The following TDRD7 variants were observed in gnomAD, a reference collection of about 807,000 sequenced individuals.
TDRD7 encodes tudor domain-containing protein 7.
A neutral mutation model predicts 109.8 loss-of-function variants in TDRD7; 47 were observed. That is an observed-to-expected ratio of 0.43 (90% CI 0.34 to 0.55). TDRD7 has a LOEUF of 0.55. Ranked by LOEUF, TDRD7 falls within the 20% of genes least tolerant of loss-of-function variation. TDRD7 has a pLI of 0.03. For missense variants in TDRD7, 1,164 were observed against 1,319.2 expected (o/e 0.88, Z 1.82); for synonymous variants, 424 against 457.3 (o/e 0.93, Z 0.93).
intron 1 of TDRD7, among the ~76,000 whole-genome samples, chr9:97,414,788 G>C (rs1209133783): frequency 6.6e-6 from 1 of 152,150 alleles, no homozygotes; most frequent in Non-Finnish European, 1.5e-5. Flanking sequence ...GTTGGTGAAG[G>C]AGTAATTGAA....
At chr9:97,417,481 A>T (rs1827829651) in intron 1 of TDRD7, among the ~76,000 whole-genome samples, 1 of 152,208 alleles carries the variant, frequency 6.6e-6, no homozygotes, top group Non-Finnish European at 1.5e-5. Flanking sequence ...TGTTGCTGAC[A>T]CGGACTAGGA....
intron 4 of TDRD7, among the ~76,000 whole-genome samples, chr9:97,436,823 G>A (rs1235477698): frequency 6.6e-6 from 1 of 152,042 alleles, no homozygotes; most frequent in Non-Finnish European, 1.5e-5. Flanking sequence ...TTCTCTGCTG[G>A]TTTGTAATTC....
chr9:97,439,953 G>A (rs555241661), intron 5 of TDRD7, among the ~76,000 whole-genome samples: 1 of 152,126 alleles, frequency 6.6e-6, no homozygotes, highest in Non-Finnish European at 1.5e-5. Context: ...CAGGGAGACA[G>A]TGTTTTCGTA....
intron 1 of TDRD7, among the ~76,000 whole-genome samples, chr9:97,421,698 TTGTGTGTGTGTGTGTGTGTGTGTG>T (rs59218055): frequency 7.0e-6 from 1 of 142,864 alleles, no homozygotes; most frequent in Admixed American, 7.0e-5. Context: ...TGCCCAGCTT[TTGTGTGTGTGTGTGTGTGTGTGTG>T]TGTGTGTGTG....
chr9:97,471,472 G>A (rs1369527261), intron 9 of TDRD7, among the ~76,000 whole-genome samples: 1 of 152,122 alleles, frequency 6.6e-6, no homozygotes, highest in Non-Finnish European at 1.5e-5. Context: ...TGGAAAGAAC[G>A]TATCAAGGGC....
At chr9:97,441,308 A>C (rs1331429809) in intron 5 of TDRD7, among the ~76,000 whole-genome samples, 3 of 152,202 alleles carry the variant, frequency 2.0e-5, no homozygotes, top group African/African-American at 7.2e-5. Flanking sequence ...TAATATATAA[A>C]ATGCAATCTT....
chr9:97,417,140 A>G (rs915193254), intron 1 of TDRD7, among the ~76,000 whole-genome samples: 1 of 152,148 alleles, frequency 6.6e-6, no homozygotes, highest in African/African-American at 2.4e-5. Context: ...AGAGAATGGC[A>G]AGTACAAAAG....
At chr9:97,445,993 A>G (rs1231933464) in intron 6 of TDRD7, among the ~76,000 whole-genome samples, 1 of 152,138 alleles carries the variant, frequency 6.6e-6, no homozygotes, top group East Asian at 1.9e-4. Flanking sequence ...TTAGCTGGGC[A>G]TGGTGATGCA....
chr9:97,422,193 G>T (rs1048553602), intron 1 of TDRD7, among the ~76,000 whole-genome samples: 2 of 152,094 alleles, frequency 1.3e-5, no homozygotes, highest in Admixed American at 1.3e-4. Flanking sequence ...AGGAGTTTGA[G>T]ACCAGCCTAG....
chr9:97,439,755 G>A (rs974491376), intron 5 of TDRD7, among the ~76,000 whole-genome samples: 1 of 152,180 alleles, frequency 6.6e-6, no homozygotes, highest in Non-Finnish European at 1.5e-5. Flanking sequence ...ACCCTAAACT[G>A]TGTACAGTTA....
chr9:97,436,173 C>T (rs1455196970), intron 4 of TDRD7, among the ~76,000 whole-genome samples: 1 of 152,036 alleles, frequency 6.6e-6, no homozygotes, highest in Non-Finnish European at 1.5e-5. Context: ...TACTAAGGCT[C>T]CTATTAAATT....
At chr9:97,432,771 T>C (rs12006001) in intron 4 of TDRD7, among the ~76,000 whole-genome samples, 10,900 of 152,222 alleles carry the variant, frequency 0.072, 608 homozygotes, top group African/African-American at 0.16. Flanking sequence ...CCAAAGAAAA[T>C]GTTAAACGAG....
rs577113165 is a variant in TDRD7, at chr9:97,422,368, C to A, written c.-6-6092C>A. 3.9e-5 allele frequency among the ~76,000 whole-genome samples: 6 copies of A among 152,216 alleles called. No homozygotes were observed. In the South Asian group the frequency reaches 1.2e-3, roughly 32 times the overall value. ...CCAAGATTGTGCCACTGCACTCCAG[C>A]CTGGGCAACAGATCAAGACCCTGTC... On this transcript the variant is annotated intron_variant, in intron 1 of 16. Coordinates refer to ENST00000355295, the MANE Select transcript of TDRD7 (RefSeq NM_014290.3).
chr9:97,479,101 G>A (rs1829071285), intron 13 of TDRD7, among the ~76,000 whole-genome samples: 1 of 152,060 alleles, frequency 6.6e-6, no homozygotes, highest in African/African-American at 2.4e-5. Flanking sequence ...ACCTTTAGGA[G>A]AAATAGAGGA....
At chr9:97,469,812 A>G (rs1365011325) in intron 8 of TDRD7, among the ~76,000 whole-genome samples, 1 of 152,212 alleles carries the variant, frequency 6.6e-6, no homozygotes, top group Non-Finnish European at 1.5e-5. Context: ...TATTCTTAAA[A>G]ATAATATCCA....
At chr9:97,457,219 G>A (rs923129493) in intron 6 of TDRD7, among the ~76,000 whole-genome samples, 1 of 152,078 alleles carries the variant, frequency 6.6e-6, no homozygotes, top group African/African-American at 2.4e-5. Context: ...ACTGTTGGTG[G>A]GAATGTAAAT....
rs553096418 is a variant in TDRD7, at chr9:97,454,890, A to T, written c.856-5288A>T. The stretch of plus-strand genomic sequence containing the variant: ...ACCCTCCAAAAAATCGACGAATCCA[A>T]GAGCAGTTTTTCTTTTTGAAGATTA... On this transcript the variant is annotated intron_variant, in intron 6 of 16. Coordinates refer to ENST00000355295, the MANE Select transcript of TDRD7 (RefSeq NM_014290.3). Among the ~76,000 whole-genome samples the T allele has an allele frequency of 1.1e-4, 16 of 152,340 alleles. No homozygotes were observed. The East Asian group carries it at 2.5e-3, about 24-fold the overall frequency.
At chr9:97,439,837 A>C (rs1828268621) in intron 5 of TDRD7, among the ~76,000 whole-genome samples, 1 of 152,238 alleles carries the variant, frequency 6.6e-6, no homozygotes, top group South Asian at 2.1e-4. Context: ...TTAGGAAAAC[A>C]ATAGGAGACA....
At chr9:97,472,110 A>G (rs558390876) in intron 9 of TDRD7, among the ~76,000 whole-genome samples, 183 bp from the exon 10 acceptor site, 7 of 152,260 alleles carry the variant, frequency 4.6e-5, no homozygotes, top group African/African-American at 1.4e-4. Flanking sequence ...GGGCGTTTAC[A>G]TTATATTTTT....
Sources: allele counts gnomAD v4.1 joint callset (sites outside exome capture counted in the v4.1 genomes callset), GRCh38; gene constraint gnomAD v4.1.1; transcripts MANE v1.5; gene names NCBI Gene and HGNC (gene_info 2026-07-23, HGNC 2026-07-21).